The following AFF3 variants were observed in gnomAD, a reference collection of about 807,000 sequenced individuals.
The protein encoded by AFF3 is ALF transcription elongation factor 3, also known as AF4/FMR2 family member 3.
In AFF3, 32 loss-of-function variants were observed where a neutral mutation model predicts 129.7. The observed-to-expected ratio is 0.25, with a 90% confidence interval of 0.19 to 0.33. The LOEUF (loss-of-function observed/expected upper bound fraction) is 0.33, where lower values mean the gene tolerates loss of function less well. Among genes scored for constraint, AFF3 ranks in the 10% least tolerant of loss-of-function variants. The pLI is 1.00. For missense variants in AFF3, 1,373 were observed against 1,592.0 expected, an observed-to-expected ratio of 0.86 and a Z score of 2.34; for synonymous variants, 644 against 635.4, an observed-to-expected ratio of 1.01 and a Z score of -0.20.
intron 4 of AFF3, among the ~76,000 whole-genome samples, chr2:100,047,680 A>G (rs1169887454): frequency 6.6e-6 from 1 of 152,266 alleles, no homozygotes; most frequent in African/African-American, 2.4e-5. Flanking sequence ...TAGGCAATGC[A>G]GTAATGCTTA....
intron 4 of AFF3, among the ~76,000 whole-genome samples, chr2:100,065,519 T>A (rs1406043834): frequency 6.6e-6 from 1 of 152,218 alleles, no homozygotes; most frequent in Non-Finnish European, 1.5e-5. Context: ...TGTTACCCTT[T>A]TACAACATAA....
At chr2:100,100,897 A>G (rs1690676024) in intron 4 of AFF3, among the ~76,000 whole-genome samples, 2 of 152,384 alleles carry the variant, frequency 1.3e-5, no homozygotes, top group East Asian at 1.9e-4. Context: ...GTGCCTCTGC[A>G]TATCTGCTGC....
intron 7 of AFF3, among the ~76,000 whole-genome samples, chr2:99,972,829 G>A (rs898805071): frequency 2.6e-5 from 4 of 152,086 alleles, no homozygotes; most frequent in African/African-American, 9.7e-5. Flanking sequence ...CCAACTCCTC[G>A]CTCAACTCCC....
intron 14 of AFF3, 128 bp downstream of exon 14, chr2:99,601,307 C>T: frequency 8.6e-7 from 1 of 1,159,328 alleles, no homozygotes; most frequent in East Asian, 3.0e-5. Context: ...TCCTCCTTCC[C>T]AGCACCTGGC....
intron 7 of AFF3, among the ~76,000 whole-genome samples, chr2:99,948,195 A>T (rs1471338906): frequency 6.6e-6 from 1 of 152,070 alleles, no homozygotes; most frequent in Non-Finnish European, 1.5e-5. Context: ...TGGGACTCGG[A>T]GCTCTCTGGT....
At chr2:100,071,554 G>A (rs985073970) in intron 4 of AFF3, among the ~76,000 whole-genome samples, 7 of 152,148 alleles carry the variant, frequency 4.6e-5, no homozygotes, top group Non-Finnish European at 1.0e-4. Context: ...GGTTCTGTGA[G>A]GCCCCTGGTC....
chr2:99,574,810 G>A (rs1676830979), intron 18 of AFF3, among the ~76,000 whole-genome samples: 1 of 152,216 alleles, frequency 6.6e-6, no homozygotes, highest in Non-Finnish European at 1.5e-5. Flanking sequence ...TCACTCCAGT[G>A]TTAATTATCT....
intron 13 of AFF3, among the ~76,000 whole-genome samples, chr2:99,640,204 C>G (rs1684062881): frequency 6.6e-6 from 1 of 152,098 alleles, no homozygotes; most frequent in Non-Finnish European, 1.5e-5. Flanking sequence ...TCTATAATAT[C>G]AATGTAAAAA....
chr2:100,007,807 TC>T (rs1682114730), intron 5 of AFF3: 1 of 243,808 alleles, frequency 4.1e-6, no homozygotes, highest in African/African-American at 2.3e-5. Context: ...AAACCCTGTC[TC>T]TACTAAAAAT....
chr2:99,613,506 C>T (rs1317478712), intron 13 of AFF3, among the ~76,000 whole-genome samples: 1 of 152,108 alleles, frequency 6.6e-6, no homozygotes, highest in Non-Finnish European at 1.5e-5. Context: ...TTTATTACCA[C>T]AAAAGTTATA....
intron 7 of AFF3, among the ~76,000 whole-genome samples, chr2:99,889,058 G>C (rs1051697219): frequency 6.6e-6 from 1 of 152,154 alleles, no homozygotes; most frequent in Non-Finnish European, 1.5e-5. Flanking sequence ...CCTAGGAGGA[G>C]GACAGACATG....
chr2:100,104,946 C>A, intron 3 of AFF3: 1 of 155,492 alleles, frequency 6.4e-6, no homozygotes, highest in Non-Finnish European at 1.3e-5. Flanking sequence ...CCCTGTACTC[C>A]CCGCGCCGCT....
chr2:99,884,452 G>A (rs986856338), intron 7 of AFF3, among the ~76,000 whole-genome samples: 5 of 152,194 alleles, frequency 3.3e-5, no homozygotes, highest in African/African-American at 1.2e-4. Flanking sequence ...AGGCTGGAGT[G>A]CAGTGGCATG....
intron 7 of AFF3, among the ~76,000 whole-genome samples, chr2:99,871,998 G>A (rs1364301368): frequency 6.6e-6 from 1 of 151,894 alleles, no homozygotes; most frequent in Non-Finnish European, 1.5e-5. Flanking sequence ...ATGAGGTCAG[G>A]AGATCAAGAC....
intron 13 of AFF3, among the ~76,000 whole-genome samples, chr2:99,639,756 C>T (rs1029825173): frequency 4.0e-5 from 6 of 150,634 alleles, no homozygotes; most frequent in Non-Finnish European, 7.4e-5. Context: ...AGTGCAATCT[C>T]GGCTCACTGC....
chr2:99,819,433 A>C (rs1427828700), intron 8 of AFF3, among the ~76,000 whole-genome samples: 2 of 152,238 alleles, frequency 1.3e-5, no homozygotes, highest in Non-Finnish European at 2.9e-5. Flanking sequence ...GTCGCTAATG[A>C]ATCTGGAAAT....
At position 99,582,104 on chromosome 2, in the gene AFF3, C is replaced by T. The variant is rs144100070; in HGVS notation, c.2793+694G>A. ...TCCTGACCTCAGGCGATCCGCCCGCCGCAGCCTCCCAAAGTGCTGGGATTA... is the reference window on the plus strand; with the variant it reads ...TCCTGACCTCAGGCGATCCGCCCGCTGCAGCCTCCCAAAGTGCTGGGATTA... On this transcript the variant is annotated intron_variant, in intron 17 of 24. Transcript: ENST00000672756. 2.2e-3 allele frequency among the ~76,000 whole-genome samples: 336 copies of T among 152,144 alleles called. 1 individual carries two copies. The highest frequency in any genetic ancestry group is 7.7e-3 in the African/African-American group (318 of 41,520).
intron 11 of AFF3, among the ~76,000 whole-genome samples, chr2:99,716,759 T>G (rs888092098): frequency 1.3e-5 from 2 of 151,994 alleles, no homozygotes; most frequent in African/African-American, 4.8e-5. Flanking sequence ...TGCTTCCCTG[T>G]AATCGCAGCT....
chr2:99,826,101 G>C (rs975539809), intron 8 of AFF3, among the ~76,000 whole-genome samples: 1 of 152,082 alleles, frequency 6.6e-6, no homozygotes, highest in Non-Finnish European at 1.5e-5. Context: ...TACAACCTCT[G>C]CCTCCCAGGT....
Sources: gnomAD v4.1 joint callset for allele counts (sites outside exome capture counted in the v4.1 genomes callset) on GRCh38, gnomAD v4.1.1 for gene constraint, MANE v1.5 for transcripts, NCBI Gene and HGNC (gene_info 2026-07-23, HGNC 2026-07-21) for gene names.